Variants in EFL1 observed in about 807,000 individuals in gnomAD.
EFL1 encodes elongation factor-like GTPase 1.
Under a neutral mutation model 126.7 loss-of-function variants are expected in EFL1, and 76 were observed. The observed-to-expected ratio is 0.60, with a 90% CI of 0.50 to 0.73. EFL1 has a LOEUF of 0.73. Among genes scored for constraint, EFL1 ranks in the 30% least tolerant of loss-of-function variants. The pLI is 0.00. For missense variants in EFL1, 1,128 were observed against 1,343.2 expected (o/e 0.84, Z 2.50); for synonymous variants, 410 against 448.4 (o/e 0.91, Z 1.08).
intron 7 of EFL1, among the ~76,000 whole-genome samples, 173 bp from the exon 8 acceptor site, chr15:82,231,144 T>A (rs900054335): frequency 6.6e-6 from 1 of 152,028 alleles, no homozygotes; most frequent in Non-Finnish European, 1.5e-5. Flanking sequence ...AGGGAACAAG[T>A]GAGGTGGGGA....
chr15:82,174,207 C>T (rs2074168822), intron 15 of EFL1: 1 of 151,696 alleles, frequency 6.6e-6, no homozygotes, highest in Non-Finnish European at 1.5e-5. Context: ...AAAAAAAAAC[C>T]ATTTATGTCA....
chr15:82,156,881 T>A (rs1466401890), intron 17 of EFL1, among the ~76,000 whole-genome samples: 1 of 152,200 alleles, frequency 6.6e-6, no homozygotes. Context: ...TCTTCAAGAT[T>A]GGTGAAATTT....
intron 12 of EFL1, among the ~76,000 whole-genome samples, chr15:82,223,871 T>C (rs28578791): frequency 0.37 from 56,461 of 152,076 alleles, 11,962 homozygotes; most frequent in African/African-American, 0.58. Flanking sequence ...CATTTGGATA[T>C]TCACTCATTC....
chr15:82,245,933 TA>T (rs113073635), intron 4 of EFL1, among the ~76,000 whole-genome samples: 16,415 of 136,470 alleles, frequency 0.12, 1,310 homozygotes, highest in African/African-American at 0.22. Context: ...ACTCTTGTCT[TA>T]AAAAAAAAAA....
chr15:82,182,102 AC>A (rs2141261329), intron 15 of EFL1, among the ~76,000 whole-genome samples: 1 of 152,258 alleles, frequency 6.6e-6, no homozygotes, highest in South Asian at 2.1e-4. Flanking sequence ...TACTAAAAAT[AC>A]AAAAATTAGC....
At chr15:82,177,749 A>C (rs1251540561) in intron 15 of EFL1, among the ~76,000 whole-genome samples, 1 of 152,228 alleles carries the variant, frequency 6.6e-6, no homozygotes, top group Non-Finnish European at 1.5e-5. Flanking sequence ...CACTACCCAA[A>C]GAATTTTCAA....
chr15:82,220,360 C>T, intron 12 of EFL1, 131 bp from the exon 13 acceptor site: 1 of 1,098,664 alleles, frequency 9.1e-7, no homozygotes, highest in Middle Eastern at 2.4e-4. Context: ...AAGTCCTCTC[C>T]CTGTCTGTAG....
In EFL1 at chr15:82,141,687, C is replaced by CAA. The variant is rs111707224; in HGVS notation, c.2990-2847_2990-2846dup. Among the ~76,000 whole-genome samples, 1,049 of 111,716 alleles carry CAA rather than the reference C, an allele frequency of 9.4e-3. 13 individuals are homozygous for CAA. The highest frequency in any genetic ancestry group is 0.028 in the African/African-American group (794 of 28,416). The allele number at this position is 111,716 out of a possible 152,430, so 73.3% of individuals were successfully genotyped here. On this transcript the variant is annotated intron_variant, in intron 18 of 19. Transcript: ENST00000268206. ...AGACTCGGTCTCCAAAAAAAAAAAC[C>CAA]AAAAAAAAAAAAACAAAAAAGAAAC...
intron 15 of EFL1, among the ~76,000 whole-genome samples, chr15:82,186,358 T>C (rs1453587195): frequency 2.6e-5 from 4 of 152,196 alleles, no homozygotes; most frequent in Non-Finnish European, 1.5e-5. Context: ...AAAAATCTTC[T>C]AGCCTAAAGT....
intron 14 of EFL1, among the ~76,000 whole-genome samples, chr15:82,216,314 T>TA (rs1442852514): frequency 6.6e-6 from 1 of 152,196 alleles, no homozygotes; most frequent in Non-Finnish European, 1.5e-5. Flanking sequence ...CAAATAGGTG[T>TA]ATGGACATAA....
rs2073982827 is a variant in EFL1 at position 82,157,732 on chromosome 15, G to A, written c.2011C>T (p.Leu671=). 1.9e-6 allele frequency: 3 copies of A among 1,612,670 alleles called. No individual in the cohort carries two copies. The highest frequency in any genetic ancestry group is 1.1e-5 in the South Asian group (1 of 90,846). Residue 671 remains leucine (L), a synonymous_variant, in exon 17 of 20, where the codon CTG becomes TTG. Transcript: ENST00000268206. ...CCTAACCTTTCTTTTAAGTCATCCA[G>A]GCATCGCTGAAGGTGGACTTCTCCT... ...TAGEVHLQRC[L]DDLKERFAKI...
chr15:82,151,632 C>CTCT lies in EFL1; in HGVS notation c.2819_2821dup (p.Lys940dup), dbSNP rs761745734. On this transcript the variant is annotated inframe_insertion, in exon 18 of 20. Coordinates refer to ENST00000268206, the MANE Select transcript of EFL1 (RefSeq NM_024580.6). Reference sequence around the variant, plus strand: ...TGGAGATTCTCCTTTCTGTGATGTCCTCTTCTCAAAGGCCTCAGAGCAGCC... The same window carrying CTCT: ...TGGAGATTCTCCTTTCTGTGATGTCCTCTTCTTCTCAAAGGCCTCAGAGCAGCC... The CTCT allele has an allele frequency of 1.2e-6, 2 of 1,613,984 alleles. No individual in the cohort carries two copies. Among genetic ancestry groups the CTCT allele is most frequent in the Non-Finnish European group, 1.7e-6 (2 of 1,180,014 alleles).
At chr15:82,259,036 T>C (rs1450666629) in intron 3 of EFL1, 52 bp downstream of exon 3, 2 of 1,511,788 alleles carry the variant, frequency 1.3e-6, no homozygotes, top group African/African-American at 2.7e-5. Context: ...TTCATCACAT[T>C]GTTGATAGCT....
intron 15 of EFL1, among the ~76,000 whole-genome samples, chr15:82,195,008 C>T (rs901877692): frequency 2.0e-5 from 3 of 152,084 alleles, no homozygotes; most frequent in Non-Finnish European, 2.9e-5. Flanking sequence ...TTTTATATCA[C>T]GTAGCGTTCA....
chr15:82,213,301 G>A (rs1470106524), intron 15 of EFL1, among the ~76,000 whole-genome samples: 1 of 152,116 alleles, frequency 6.6e-6, no homozygotes, highest in African/African-American at 2.4e-5. Context: ...TAAAAGGTCA[G>A]TAAAAGACAT....
intron 15 of EFL1, among the ~76,000 whole-genome samples, chr15:82,181,451 C>G (rs1488602470): frequency 1.3e-5 from 2 of 152,128 alleles, no homozygotes; most frequent in African/African-American, 4.8e-5. Context: ...CATGTAAACA[C>G]AGAGCTCTAG....
chr15:82,224,675 G>C (rs189949456), intron 12 of EFL1, among the ~76,000 whole-genome samples: 32 of 152,120 alleles, frequency 2.1e-4, no homozygotes, highest in African/African-American at 7.7e-4. Flanking sequence ...CAGAAGGAGG[G>C]GAACACACAT....
chr15:82,239,030 A>G (rs1198510649), intron 6 of EFL1, among the ~76,000 whole-genome samples: 1 of 152,090 alleles, frequency 6.6e-6, no homozygotes, highest in Non-Finnish European at 1.5e-5. Context: ...TATTACTCAG[A>G]TTTCCTTCAA....
At chr15:82,218,250 A>G (rs2074671753) in intron 14 of EFL1, among the ~76,000 whole-genome samples, 1 of 152,216 alleles carries the variant, frequency 6.6e-6, no homozygotes, top group Admixed American at 6.5e-5. Flanking sequence ...AACTAACACA[A>G]AGGATGAACA....
Sources: allele counts gnomAD v4.1 joint callset (sites outside exome capture counted in the v4.1 genomes callset), GRCh38; gene constraint gnomAD v4.1.1; transcripts MANE v1.5; gene names NCBI Gene and HGNC (gene_info 2026-07-23, HGNC 2026-07-21).